Variants in TCOF1 observed in about 807,000 individuals in gnomAD.
TCOF1 encodes treacle ribosome biogenesis factor 1.
Under a neutral mutation model 149.0 loss-of-function variants are expected in TCOF1, and 33 were observed. The observed-to-expected ratio is 0.22, with a 90% confidence interval of 0.17 to 0.30. The LOEUF (loss-of-function observed/expected upper bound fraction) is 0.30, where lower values mean the gene tolerates loss of function less well. Ranked by LOEUF, TCOF1 falls within the 10% of genes least tolerant of loss-of-function variation. TCOF1 has a pLI of 1.00. For missense variants in TCOF1, 1,728 were observed against 1,840.7 expected, an observed-to-expected ratio of 0.94 and a Z score of 1.12; for synonymous variants, 789 against 738.8, an observed-to-expected ratio of 1.07 and a Z score of -1.10.
intron 17 of TCOF1, chr5:150,384,145 A>G (rs746656170): frequency 2.9e-5 from 31 of 1,081,712 alleles, no homozygotes; most frequent in Non-Finnish European, 3.4e-5. Flanking sequence ...ATTGTTATCA[A>G]TTCATCAGTA....
At chr5:150,372,270 C>A (rs759895906) in intron 7 of TCOF1, 34 bp downstream of exon 7, 15 of 1,565,144 alleles carry the variant, frequency 9.6e-6, no homozygotes, top group Non-Finnish European at 1.3e-5. Flanking sequence ...CCTTGGAGGA[C>A]CTGCGGGTCC....
chr5:150,392,378 C>T, intron 21 of TCOF1: 1 of 640,432 alleles, frequency 1.6e-6, no homozygotes, highest in Non-Finnish European at 2.7e-6. Context: ...GCTGTTTGAC[C>T]ACTCTCAGCT....
intron 11 of TCOF1, 51 bp downstream of exon 11, chr5:150,375,605 G>T: frequency 6.2e-7 from 1 of 1,613,398 alleles, no homozygotes; most frequent in East Asian, 2.2e-5. Context: ...ACTCAGAGTG[G>T]AGCTGCCTGT....
chr5:150,375,486 G>A lies in TCOF1; in HGVS notation c.1636G>A (p.Glu546Lys), dbSNP rs375311798. Reference sequence around the variant, plus strand: ...GGTGGGGAAGTGGGAGGAGGACTCAGAGAGCAGTAGTGAGGAGTCATCAGA... The same window carrying A: ...GGTGGGGAAGTGGGAGGAGGACTCAAAGAGCAGTAGTGAGGAGTCATCAGA... ...AQVGKWEEDSESSSEESSDSS... is the reference protein window; with the variant it reads ...AQVGKWEEDSKSSSEESSDSS... Residue 546 changes from glutamate to lysine, a missense_variant, in exon 11 of 27, where the codon GAG becomes AAG. This residue lies in a region of TCOF1 where 1,696 missense variants were observed against 1,765.4 expected (regional missense o/e 0.96). Coordinates refer to ENST00000643257, the MANE Select transcript of TCOF1 (RefSeq NM_001371623.1). 1 of 1,614,068 alleles carries A rather than the reference G, an allele frequency of 6.2e-7. No homozygotes were observed. Among genetic ancestry groups the A allele is most frequent in the East Asian group, 2.2e-5 (1 of 44,888 alleles).
chr5:150,375,409 G>T lies in TCOF1; in HGVS notation c.1559G>T (p.Gly520Val). The change falls in exon 11 of 27, where the codon GGC becomes GTC. Residue 520 changes from glycine to valine, a missense_variant. Coordinates refer to ENST00000643257, the MANE Select transcript of TCOF1 (RefSeq NM_001371623.1). Reference protein sequence around the residue: ...STMGMGPLGKGAGPVPPGKVG... With the variant: ...STMGMGPLGKVAGPVPPGKVG... Reference sequence around the variant, plus strand: ...ATGGGCATGGGGCCCTTGGGGAAAGGCGCCGGCCCAGTGCCACCCGGGAAG... The same window carrying T: ...ATGGGCATGGGGCCCTTGGGGAAAGTCGCCGGCCCAGTGCCACCCGGGAAG... The T allele has an allele frequency of 6.2e-7, 1 of 1,613,096 alleles. No homozygotes were observed. Among genetic ancestry groups the T allele is most frequent in the Non-Finnish European group, 8.5e-7 (1 of 1,179,838 alleles).
chr5:150,386,654 A>G (rs1290939566), intron 17 of TCOF1, among the ~76,000 whole-genome samples: 1 of 152,262 alleles, frequency 6.6e-6, no homozygotes, highest in African/African-American at 2.4e-5. Context: ...TCTTAGCCTC[A>G]GGCAGCTCCC....
intron 17 of TCOF1, chr5:150,380,070 CAA>C (rs1224924833): frequency 7.5e-3 from 733 of 97,222 alleles, no homozygotes; most frequent in South Asian, 0.019. Flanking sequence ...GAGACTGTCT[CAA>C]AAAAAAAAAA....
At chr5:150,389,825 C>T (rs572060078) in intron 18 of TCOF1, 62 bp from the exon 19 acceptor site, 238 of 1,613,280 alleles carry the variant, frequency 1.5e-4, no homozygotes, top group Middle Eastern at 1.0e-3. Flanking sequence ...GGGTTATTGC[C>T]GCTGCTGAGG....
intron 14 of TCOF1, 35 bp downstream of exon 14, chr5:150,376,655 C>T: frequency 1.3e-6 from 2 of 1,547,536 alleles, no homozygotes; most frequent in Non-Finnish European, 1.7e-6. Context: ...ATCCCACCCA[C>T]ACCTGTTCCT....
In TCOF1 at chr5:150,374,368, T is replaced by G. The variant is rs1763226856; in HGVS notation, c.1065T>G (p.Ala355=). 8 of 1,555,462 alleles carry G rather than the reference T, an allele frequency of 5.1e-6. No homozygotes were observed. Among genetic ancestry groups the G allele is most frequent in the Non-Finnish European group, 7.0e-6 (8 of 1,149,482 alleles). ...CTGACAGTGAGGAGGAGACGCCAGC[T>G]GCCAAGGCCCTGCTTCAGGTGAGGC... ...ESSDSEEETP[A]AKALLQAKAS... is the part of the protein sequence containing the mutation. Residue 355 remains alanine, a synonymous_variant, in exon 8 of 27, where the codon GCT becomes GCG. Coordinates refer to ENST00000643257, the MANE Select transcript of TCOF1 (RefSeq NM_001371623.1).
chr5:150,388,005 G>C lies in TCOF1; in HGVS notation c.2963G>C (p.Arg988Pro). ...AQAASTPRKA[R>P]ASESTARSSS... ...GCTGCAAGCACCCCGAGGAAGGCCC[G>C]AGCCTCGGAGAGCACAGCCAGGAGC... The change falls in exon 18 of 27, where the codon CGA becomes CCA. Residue 988 changes from arginine (R) to proline (P), a missense_variant. Around this residue, in one of 2 missense-constraint regions of TCOF1, gnomAD observed 1,696 missense variants for 1,765.4 expected, o/e 0.96. Transcript: ENST00000643257. 6.2e-7 allele frequency: 1 copy of C among 1,613,838 alleles called. No homozygotes were observed. The highest frequency in any genetic ancestry group is 8.5e-7 in the Non-Finnish European group (1 of 1,180,032).
intron 15 of TCOF1, 44 bp downstream of exon 15, chr5:150,379,086 A>G (rs1239531900): frequency 1.9e-6 from 3 of 1,613,800 alleles, no homozygotes; most frequent in Middle Eastern, 1.7e-4. Flanking sequence ...GGGTTGGGGT[A>G]GAGAGGAGGA....
chr5:150,370,642 C>T (rs1051020663), intron 6 of TCOF1, among the ~76,000 whole-genome samples: 3 of 152,166 alleles, frequency 2.0e-5, no homozygotes, highest in South Asian at 2.1e-4. Flanking sequence ...AGGCATGAGC[C>T]GCCACGCCTG....
At chr5:150,371,124 A>G (rs929978281) in intron 6 of TCOF1, among the ~76,000 whole-genome samples, 2 of 152,162 alleles carry the variant, frequency 1.3e-5, no homozygotes, top group Non-Finnish European at 2.9e-5. Context: ...AGTTGGAAAG[A>G]TGTTTTCAAG....
Position 150,386,854 on chromosome 5 carries a change from G to A in TCOF1, c.2860-1048G>A, listed in dbSNP as rs145377555. On this transcript the variant is annotated intron_variant, in intron 17 of 26. Transcript: ENST00000643257. ...GTGTGCGGTGAACATGTTCAGGGAT[G>A]GTGCAGTTCAAAACCAGACTGGCCT... 4.1e-3 allele frequency among the ~76,000 whole-genome samples: 632 copies of A among 152,350 alleles called. 34 individuals are homozygous for A. The highest frequency in any genetic ancestry group is 0.038 in the Admixed American group (581 of 15,306).
At position 150,376,418 on chromosome 5, in the gene TCOF1, C is replaced by T. The variant is rs781214207; in HGVS notation, c.2143-5C>T. On this transcript the variant is annotated splice_region_variant and splice_polypyrimidine_tract_variant and intron_variant, in intron 13 of 26. Coordinates refer to ENST00000643257, the MANE Select transcript of TCOF1 (RefSeq NM_001371623.1). Reference sequence around the variant, plus strand: ...GAGACACCTCTCTTCCCCTTGTCATCCCAGGCAAAGTCTGTGGGGAAAGGC... The same window carrying T: ...GAGACACCTCTCTTCCCCTTGTCATTCCAGGCAAAGTCTGTGGGGAAAGGC... 15 of 1,614,088 alleles carry T rather than the reference C, an allele frequency of 9.3e-6. No homozygotes were observed. Among genetic ancestry groups the T allele is most frequent in the Non-Finnish European group, 1.1e-5 (13 of 1,180,034 alleles).
At chr5:150,367,357 A>G (rs906042114) in intron 3 of TCOF1, among the ~76,000 whole-genome samples, 1 of 152,224 alleles carries the variant, frequency 6.6e-6, no homozygotes, top group Admixed American at 6.5e-5. Flanking sequence ...AACGGGGCCC[A>G]GGTGGCATGG....
intron 24 of TCOF1, 33 bp downstream of exon 24, chr5:150,396,875 G>A: frequency 4.5e-6 from 7 of 1,566,630 alleles, no homozygotes; most frequent in Non-Finnish European, 6.1e-6. Context: ...CCACCCCAAG[G>A]GCTGCTGGGC....
At position 150,376,342 on chromosome 5, in the gene TCOF1, GT is replaced by G; in HGVS notation, c.2142+16del. Reference sequence around the variant, plus strand: ...TAACCGTGGGACAGGTGAGGCCTGTGTTTTCTGGGCGGGCCTCAGGGCCGCC... The same window carrying G: ...TAACCGTGGGACAGGTGAGGCCTGTGTTTCTGGGCGGGCCTCAGGGCCGCC... On this transcript the variant is annotated intron_variant, in intron 13 of 26. Transcript: ENST00000643257. 1 of 1,614,094 alleles carries G rather than the reference GT, an allele frequency of 6.2e-7. No homozygotes were observed. Among genetic ancestry groups the G allele is most frequent in the Non-Finnish European group, 8.5e-7 (1 of 1,179,988 alleles).
Sources: allele counts gnomAD v4.1 joint callset (sites outside exome capture counted in the v4.1 genomes callset), GRCh38; gene constraint gnomAD v4.1.1; regional missense constraint gnomAD v4.1.1; transcripts MANE v1.5; gene names NCBI Gene and HGNC (gene_info 2026-07-23, HGNC 2026-07-21).